RPP38: variants seen among roughly 807,000 people sequenced by gnomAD.
The protein encoded by RPP38 is ribonuclease P protein subunit p38.
In RPP38, 2 loss-of-function variants were observed where a neutral mutation model predicts 1.7. The ratio of observed to expected loss-of-function variants is 1.18; its 90% CI spans 0.48 to 3.70. The LOEUF (loss-of-function observed/expected upper bound fraction) is 3.70, where lower values mean the gene tolerates loss of function less well. Among genes scored for constraint, RPP38 ranks in the 30% most tolerant of loss-of-function variants. RPP38 has a pLI of 0.07. For missense variants in RPP38, 358 were observed against 340.1 expected (o/e 1.05, Z -0.41); for synonymous variants, 151 against 131.8 (o/e 1.15, Z -1.00).
In RPP38 at chr10:15,103,655, C is replaced by T. The variant is rs1132078; in HGVS notation, c.341C>T (p.Ala114Val). The T allele has an allele frequency of 1.9e-6, 3 of 1,614,038 alleles. No individual in the cohort carries two copies. Among genetic ancestry groups the T allele is most frequent in the Admixed American group, 1.7e-5 (1 of 60,004 alleles). ...CCTGCACACGTCAGGAAGCAGCTTG[C>T]CATTGGCGTTAACGAAGTTACCAGA... ...WTPAHVRKQL[A>V]IGVNEVTRAL... is the part of the protein sequence containing the mutation. Residue 114 changes from alanine to valine, a missense_variant, in exon 3 of 3, where the codon GCC becomes GTC. Transcript: ENST00000378197.
rs139928020 is a variant in RPP38 at position 15,103,679 on chromosome 10, G to C, written c.365G>C (p.Arg122Thr). ...QLAIGVNEVT[R>T]ALERRELLLV... is the part of the protein sequence containing the mutation. The stretch of plus-strand genomic sequence containing the variant: ...GCCATTGGCGTTAACGAAGTTACCA[G>C]AGCCCTGGAAAGGAGGGAACTGCTG... Residue 122 changes from arginine (R) to threonine (T), a missense_variant, in exon 3 of 3, where the codon AGA becomes ACA. Physicochemically the swap from Arg to Thr is moderately conservative, Grantham distance 71. Transcript: ENST00000378197. 5 of 1,613,922 alleles carry C rather than the reference G, an allele frequency of 3.1e-6. No individual in the cohort carries two copies. The highest frequency in any genetic ancestry group is 4.2e-6 in the Non-Finnish European group (5 of 1,180,042).
chr10:15,099,872 T>C (rs184335727), intron 1 of RPP38, among the ~76,000 whole-genome samples: 9 of 152,272 alleles, frequency 5.9e-5, no homozygotes, highest in Non-Finnish European at 1.3e-4. Flanking sequence ...GGTGGGAGGA[T>C]TGCTTGAACC....
intron 2 of RPP38, chr10:15,103,041 CATT>C: frequency 4.6e-6 from 1 of 217,410 alleles, no homozygotes; most frequent in South Asian, 7.5e-5. Context: ...AAAATAGAAA[CATT>C]AGCTGGGCTT....
Position 15,104,090 on chromosome 10 carries a change from TTAAAA to T in RPP38, c.781_785del (p.Ile261GlufsTer7). On this transcript the variant is annotated frameshift_variant, in exon 3 of 3. Coordinates refer to ENST00000378197, the MANE Select transcript of RPP38 (RefSeq NM_183005.5). LOFTEE classifies it high-confidence loss of function. ...CAGGCTTCTGTAACATTACAACCCC[TTAAAA>T]TAAAGAAACTGATTCCAAACCCTAA... 1 of 1,606,050 alleles carries T rather than the reference TTAAAA, an allele frequency of 6.2e-7. No individual in the cohort carries two copies.
At chr10:15,102,490 A>C (rs983248537) in intron 2 of RPP38, 154 bp downstream of exon 2, 1 of 152,166 alleles carries the variant, frequency 6.6e-6, no homozygotes, top group Non-Finnish European at 1.5e-5. Flanking sequence ...CAGGCCTAGA[A>C]TATTTGTTGA....
intron 1 of RPP38, among the ~76,000 whole-genome samples, chr10:15,100,929 C>T (rs372932025): frequency 6.6e-6 from 1 of 152,184 alleles, no homozygotes; most frequent in East Asian, 1.9e-4. Context: ...GATCCGCCCG[C>T]CTTGGGCTCC....
intron 1 of RPP38, among the ~76,000 whole-genome samples, chr10:15,098,884 C>CAAAA (rs781428605): frequency 2.5e-5 from 1 of 39,684 alleles, no homozygotes; most frequent in Non-Finnish European, 4.4e-5. Flanking sequence ...GACTCCGTCT[C>CAAAA]AAAAAAAAAA....
rs1374771330 is a variant in RPP38 at position 15,102,213 on chromosome 10, T to A, written c.-129-5T>A. ...CAGATCATTTTTTTTTTTTTTTTTT[T>A]GCAGACAGGGTCAGATGTGTTACTG... On this transcript the variant is annotated splice_region_variant and splice_polypyrimidine_tract_variant and intron_variant, in intron 1 of 2. Coordinates refer to ENST00000378197, the MANE Select transcript of RPP38 (RefSeq NM_183005.5). 1 of 130,848 alleles carries A rather than the reference T, an allele frequency of 7.6e-6. No homozygotes were observed. Among genetic ancestry groups the A allele is most frequent in the African/African-American group, 3.5e-5 (1 of 28,610 alleles). The allele number at this position is 130,848 out of a possible 1,614,324, so 8.1% of individuals were successfully genotyped here.
intron 1 of RPP38, among the ~76,000 whole-genome samples, chr10:15,101,125 A>C (rs1400200085): frequency 2.0e-5 from 3 of 152,186 alleles, no homozygotes. Flanking sequence ...AAAGAACAGA[A>C]AACTTGGATT....
chr10:15,100,689 T>A lies in RPP38; in HGVS notation c.-129-1529T>A, dbSNP rs370951075. ...GAATCAGATTCACGAGGGCAACTTT[T>A]TTTTTTTTTTTGATATGGAGTCTTG... On this transcript the variant is annotated intron_variant, in intron 1 of 2. Transcript: ENST00000378197. Among the ~76,000 whole-genome samples the A allele has an allele frequency of 2.6e-5, 4 of 151,996 alleles. No individual in the cohort carries two copies. In the East Asian group the frequency reaches 5.8e-4, roughly 22 times the overall value.
rs554194985 is a variant in RPP38, at chr10:15,103,348, T to A, written c.34T>A (p.Ser12Thr). Residue 12 changes from serine (S) to threonine (T), a missense_variant, in exon 3 of 3, where the codon TCT becomes ACT. Ser to Thr is a moderately conservative substitution (Grantham distance 58). Coordinates refer to ENST00000378197, the MANE Select transcript of RPP38 (RefSeq NM_183005.5). ...AAAPQAPGRG[S>T]LRKTRPLVVK... ...AGCTCCTCAAGCACCGGGGCGGGGATCTCTCCGTAAGACGAGACCTCTGGT... is the reference window on the plus strand; with the variant it reads ...AGCTCCTCAAGCACCGGGGCGGGGAACTCTCCGTAAGACGAGACCTCTGGT... 1.9e-6 allele frequency: 3 copies of A among 1,595,664 alleles called. No individual in the cohort carries two copies. The East Asian group carries it at 6.7e-5, about 36-fold the overall frequency.
chr10:15,104,078 C>G lies in RPP38; in HGVS notation c.764C>G (p.Thr255Arg). Reference protein sequence around the residue: ...KLADGRQASVTLQPLKIKKLI... With the variant: ...KLADGRQASVRLQPLKIKKLI... Reference sequence around the variant, plus strand: ...GCTGACGGTCGGCAGGCTTCTGTAACATTACAACCCCTTAAAATAAAGAAA... The same window carrying G: ...GCTGACGGTCGGCAGGCTTCTGTAAGATTACAACCCCTTAAAATAAAGAAA... The change falls in exon 3 of 3, where the codon ACA becomes AGA. Residue 255 changes from threonine (T) to arginine (R), a missense_variant. Coordinates refer to ENST00000378197, the MANE Select transcript of RPP38 (RefSeq NM_183005.5). The G allele has an allele frequency of 6.2e-7, 1 of 1,611,220 alleles. No homozygotes were observed. The highest frequency in any genetic ancestry group is 1.7e-4 in the Middle Eastern group (1 of 6,028).
chr10:15,099,998 T>C (rs1366914228), intron 1 of RPP38, among the ~76,000 whole-genome samples: 1 of 152,178 alleles, frequency 6.6e-6, no homozygotes, highest in African/African-American at 2.4e-5. Flanking sequence ...CAGAGGCCTC[T>C]TGAGACAGCT....
intron 1 of RPP38, among the ~76,000 whole-genome samples, chr10:15,101,047 G>A (rs1845095314): frequency 6.6e-6 from 1 of 152,152 alleles, no homozygotes; most frequent in African/African-American, 2.4e-5. Flanking sequence ...CAGTAGATCT[G>A]GGTTGAGGAC....
chr10:15,103,461 G>A lies in RPP38; in HGVS notation c.147G>A (p.Glu49=). The A allele has an allele frequency of 6.2e-7, 1 of 1,614,136 alleles. No homozygotes were observed. The highest frequency in any genetic ancestry group is 8.5e-7 in the Non-Finnish European group (1 of 1,180,022). Residue 49 remains glutamate (E), a synonymous_variant, in exon 3 of 3, where the codon GAG becomes GAA. Transcript: ENST00000378197. ...EDMHFILQTL[E]DRLKAIGLQK... ...TGCACTTCATCCTACAGACGCTTGA[G>A]GACAGGCTTAAAGCTATTGGACTTC...
In RPP38 at chr10:15,103,634, C is replaced by T. The variant is rs762815478; in HGVS notation, c.320C>T (p.Ala107Val). ...AKQQVSGWTPAHVRKQLAIGV... is the reference protein window; with the variant it reads ...AKQQVSGWTPVHVRKQLAIGV... Reference sequence around the variant, plus strand: ...CAGCAAGTGTCAGGGTGGACGCCTGCACACGTCAGGAAGCAGCTTGCCATT... The same window carrying T: ...CAGCAAGTGTCAGGGTGGACGCCTGTACACGTCAGGAAGCAGCTTGCCATT... The change falls in exon 3 of 3, where the codon GCA (alanine) becomes GTA (valine). Residue 107 changes from alanine to valine, a missense_variant. Physicochemically the swap from Ala to Val is moderately conservative, Grantham distance 64 (BLOSUM62 0). Coordinates refer to ENST00000378197, the MANE Select transcript of RPP38 (RefSeq NM_183005.5). 30 of 1,613,956 alleles carry T rather than the reference C, an allele frequency of 1.9e-5. No individual in the cohort carries two copies. The East Asian group carries it at 4.9e-4, about 26-fold the overall frequency.
At chr10:15,098,233 T>TTTTTG (rs1554817945) in intron 1 of RPP38, among the ~76,000 whole-genome samples, 1 of 142,682 alleles carries the variant, frequency 7.0e-6, no homozygotes, top group Admixed American at 6.9e-5. Flanking sequence ...CGTGTTTTTT[T>TTTTTG]TTTTTTTTTT....
At chr10:15,098,689 C>T (rs1264183653) in intron 1 of RPP38, among the ~76,000 whole-genome samples, 1 of 150,476 alleles carries the variant, frequency 6.6e-6, no homozygotes, top group African/African-American at 2.4e-5. Flanking sequence ...AGATCGAGAC[C>T]ATCCTGGCCA....
At chr10:15,099,815 G>C (rs1161674787) in intron 1 of RPP38, among the ~76,000 whole-genome samples, 2 of 152,154 alleles carry the variant, frequency 1.3e-5, no homozygotes, top group Non-Finnish European at 2.9e-5. Context: ...AATTTTCTGG[G>C]CTTGGTGGTA....
Sources: gnomAD v4.1 joint callset for allele counts (sites outside exome capture counted in the v4.1 genomes callset) on GRCh38, gnomAD v4.1.1 for gene constraint, MANE v1.5 for transcripts, NCBI Gene and HGNC (gene_info 2026-07-23, HGNC 2026-07-21) for gene names.